Variants in SYTL2 observed in about 807,000 individuals in gnomAD.
The protein encoded by SYTL2 is synaptotagmin like 2, also known as synaptotagmin-like protein 2.
SYTL2 carries 165 observed loss-of-function variants against 198.7 expected under a neutral mutation model. The observed-to-expected ratio is 0.83, with a 90% CI of 0.73 to 0.94. SYTL2 has a LOEUF of 0.94. Among genes scored for constraint, SYTL2 ranks in the 40% least tolerant of loss-of-function variants. The probability of loss-of-function intolerance (pLI) is 0.00; values close to 1 mark genes in which losing one functional copy is unlikely to be tolerated. For synonymous variants in SYTL2, 966 were observed against 917.7 expected (o/e 1.05, Z -0.95); for missense variants, 2,835 against 2,582.8 (o/e 1.10, Z -2.12).
intron 1 of SYTL2, among the ~76,000 whole-genome samples, chr11:85,809,482 A>G (rs1303310543): frequency 6.6e-6 from 1 of 152,256 alleles, no homozygotes; most frequent in African/African-American, 2.4e-5. Flanking sequence ...ACACAATGTT[A>G]GACATTTTTG....
chr11:85,817,092 GACTCTT>G, the SYTL2 span, among the ~76,000 whole-genome samples: 25 of 152,290 alleles, frequency 1.6e-4, no homozygotes, highest in Non-Finnish European at 7.4e-5. Context: ...TCTGTGTAGT[GACTCTT>G]ACTAACTTTT....
chr11:85,764,799 T>C (rs1380301168), intron 1 of SYTL2, among the ~76,000 whole-genome samples: 1 of 152,232 alleles, frequency 6.6e-6, no homozygotes, highest in African/African-American at 2.4e-5. Context: ...GGCATCTGTG[T>C]CAACATGCAC....
At chr11:85,831,520 C>T in the SYTL2 span, among the ~76,000 whole-genome samples, 1 of 152,138 alleles carries the variant, frequency 6.6e-6, no homozygotes, top group Non-Finnish European at 1.5e-5. Flanking sequence ...AATGATCAAA[C>T]TTGCTCCTAA....
At position 85,737,738 on chromosome 11, in the gene SYTL2, C is replaced by G. The variant is rs914279261; in HGVS notation, c.390-82G>C. On this transcript the variant is annotated intron_variant, in intron 4 of 19. Transcript: ENST00000359152. Reference sequence around the variant, plus strand: ...TTATGCCTCTGAAGTGGAAAGCTATCAGCAGGCTAGGAGAGGAAGCTGGTG... The same window carrying G: ...TTATGCCTCTGAAGTGGAAAGCTATGAGCAGGCTAGGAGAGGAAGCTGGTG... 2.6e-6 allele frequency: 3 copies of G among 1,170,992 alleles called. No individual in the cohort carries two copies. The African/African-American group carries it at 4.6e-5, about 18-fold the overall frequency. The allele number at this position is 1,170,992 out of a possible 1,614,324, so 72.5% of individuals were successfully genotyped here. A position where few individuals can be genotyped will look rare whatever the true frequency, so the allele number is the denominator to read the frequency against.
At chr11:85,818,411 T>G in the SYTL2 span, among the ~76,000 whole-genome samples, 2 of 152,234 alleles carry the variant, frequency 1.3e-5, no homozygotes, top group Non-Finnish European at 2.9e-5. Flanking sequence ...GGTTTGCTGT[T>G]GATTCTCTTT....
At chr11:85,705,643 A>T (rs1312166226) in intron 15 of SYTL2, among the ~76,000 whole-genome samples, 1 of 152,248 alleles carries the variant, frequency 6.6e-6, no homozygotes, top group East Asian at 1.9e-4. Context: ...TCTCAAATGT[A>T]GTCAATCTTT....
In SYTL2 at chr11:85,707,642, C is replaced by A. The variant is rs955248833; in HGVS notation, c.5916-111G>T. ...CAGCAGAAATAATTATTTCATGACA[C>A]TGAGAAAAGCAGTGAATAACAAATT... is the stretch of plus-strand genomic sequence containing the variant. On this transcript the variant is annotated intron_variant, in intron 14 of 19. Transcript: ENST00000359152. 5.6e-6 allele frequency: 4 copies of A among 719,302 alleles called. No homozygotes were observed. In the East Asian group the frequency reaches 1.0e-4, roughly 18 times the overall value. 44.6% of individuals were successfully genotyped at this position (719,302 alleles called of 1,614,324 possible).
chr11:85,763,019 C>T (rs1047255299), intron 1 of SYTL2, among the ~76,000 whole-genome samples: 1 of 152,118 alleles, frequency 6.6e-6, no homozygotes, highest in Admixed American at 6.5e-5. Context: ...ATGAACATAG[C>T]TCTAGGGCCC....
intron 1 of SYTL2, among the ~76,000 whole-genome samples, chr11:85,805,464 G>C (rs1257129650): frequency 6.6e-6 from 1 of 152,116 alleles, no homozygotes; most frequent in Admixed American, 6.5e-5. Flanking sequence ...TCCCAACACA[G>C]ATCACTGGCA....
Position 85,727,289 on chromosome 11 carries a change from ATAT to A in SYTL2, c.2066_2068del (p.Asn689del). 8 of 1,535,214 alleles carry A rather than the reference ATAT, an allele frequency of 5.2e-6. No individual in the cohort carries two copies. Among genetic ancestry groups the A allele is most frequent in the Non-Finnish European group, 6.1e-6 (7 of 1,146,698 alleles). ...GGGTTCTTCTTCACCCAAGTTGCCA[ATAT>A]TATTAGTGTTGCATGGAACTTGGTT... On this transcript the variant is annotated inframe_deletion, in exon 8 of 20. Coordinates refer to ENST00000359152, the MANE Select transcript of SYTL2 (RefSeq NM_206927.4).
intron 19 of SYTL2, 53 bp from the exon 20 acceptor site, chr11:85,695,393 G>A (rs1477017002): frequency 2.8e-6 from 4 of 1,429,506 alleles, no homozygotes; most frequent in South Asian, 1.5e-5. Flanking sequence ...GGGGGTAGGG[G>A]AAAGAGGGAA....
intron 1 of SYTL2, among the ~76,000 whole-genome samples, chr11:85,789,350 A>ATATATATATATG (rs2092690510): frequency 2.1e-4 from 8 of 38,240 alleles, no homozygotes; most frequent in Non-Finnish European, 3.2e-4. Context: ...GTATATATAT[A>ATATATATATATG]TATATATATA....
rs866366481 is a variant in SYTL2 at position 85,734,317 on chromosome 11, C to T, written c.1012G>A (p.Val338Met). The change falls in exon 7 of 20, where the codon GTG becomes ATG. Residue 338 changes from valine (V) to methionine (M), a missense_variant. Val to Met is a conservative substitution (Grantham distance 21, BLOSUM62 1). Coordinates refer to ENST00000359152, the MANE Select transcript of SYTL2 (RefSeq NM_206927.4). ...GGACTCTGTGGAAGCTCATCCTTCA[C>T]TGCAGAGAATCTCACATGCTTTAAT... Reference protein sequence around the residue: ...EPLKHVRFSAVKDELPQSPGL... With the variant: ...EPLKHVRFSAMKDELPQSPGL... The T allele has an allele frequency of 1.9e-6, 3 of 1,614,098 alleles. No individual in the cohort carries two copies. Among genetic ancestry groups the T allele is most frequent in the Non-Finnish European group, 2.5e-6 (3 of 1,180,024 alleles).
At chr11:85,708,217 T>C in intron 14 of SYTL2, 2 of 379,760 alleles carry the variant, frequency 5.3e-6, no homozygotes, top group Non-Finnish European at 1.0e-5. Context: ...TTTGTTCCCC[T>C]AGTTTGTTCC....
rs527415352 is a variant in SYTL2 at position 85,791,672 on chromosome 11, A to G, written c.-390+19282T>C. On this transcript the variant is annotated intron_variant, in intron 1 of 19. Coordinates refer to ENST00000359152, the MANE Select transcript of SYTL2 (RefSeq NM_206927.4). Reference sequence around the variant, plus strand: ...AACAGTTGTTTTCCAATGTGCCTGCAATAGCTCTTCAAATACGTACCTGAA... The same window carrying G: ...AACAGTTGTTTTCCAATGTGCCTGCGATAGCTCTTCAAATACGTACCTGAA... 3.9e-4 allele frequency among the ~76,000 whole-genome samples: 59 copies of G among 151,262 alleles called. No homozygotes were observed. The South Asian group carries it at 9.9e-3, about 25-fold the overall frequency.
At chr11:85,843,548 C>T in the SYTL2 span, among the ~76,000 whole-genome samples, 1 of 152,044 alleles carries the variant, frequency 6.6e-6, no homozygotes. Flanking sequence ...AGCCATCTAA[C>T]TGATGCTGAG....
chr11:85,852,912 CCCG>C, the SYTL2 span: 1 of 295,270 alleles, frequency 3.4e-6, no homozygotes, highest in Non-Finnish European at 6.7e-6. Context: ...CGGCCGCGAC[CCCG>C]TCTGGGAGGT....
At chr11:85,835,529 C>T in the SYTL2 span, among the ~76,000 whole-genome samples, 4 of 152,118 alleles carry the variant, frequency 2.6e-5, no homozygotes, top group Non-Finnish European at 4.4e-5. Context: ...TTCAGTTGCA[C>T]AGTTTTCTGT....
At chr11:85,703,095 T>C (rs866123711) in intron 16 of SYTL2, among the ~76,000 whole-genome samples, 2 of 151,762 alleles carry the variant, frequency 1.3e-5, no homozygotes, top group African/African-American at 4.8e-5. Flanking sequence ...TGGACTGAAA[T>C]ATAAGAAAAA....
Sources: allele counts gnomAD v4.1 joint callset (sites outside exome capture counted in the v4.1 genomes callset), GRCh38; gene constraint gnomAD v4.1.1; transcripts MANE v1.5; gene names NCBI Gene and HGNC (gene_info 2026-07-23, HGNC 2026-07-21).